RNF17: variants seen among roughly 807,000 people sequenced by gnomAD.
RNF17 encodes ring finger protein 17, also known as spermatogenesis associated 23.
RNF17 carries 31 observed loss-of-function variants against 200.5 expected under a neutral mutation model. That is an observed-to-expected ratio of 0.15 (90% CI 0.12 to 0.21). The LOEUF (loss-of-function observed/expected upper bound fraction) is 0.21, where lower values mean the gene tolerates loss of function less well. Among genes scored for constraint, RNF17 ranks in the 10% least tolerant of loss-of-function variants. The pLI, the probability that RNF17 is intolerant of heterozygous loss-of-function variation, is 1.00. For synonymous variants in RNF17, 606 were observed against 637.8 expected (o/e 0.95, Z 0.75); for missense variants, 1,628 against 1,905.1 (o/e 0.85, Z 2.71).
At chr13:24,844,523 A>T in intron 20 of RNF17, 129 bp from the exon 21 acceptor site, 1 of 719,028 alleles carries the variant, frequency 1.4e-6, no homozygotes, top group Non-Finnish European at 2.3e-6. Context: ...ATACACTTGT[A>T]CATTCAAGGA....
intron 22 of RNF17, among the ~76,000 whole-genome samples, chr13:24,845,534 C>T (rs1290794142): frequency 6.6e-6 from 1 of 152,154 alleles, no homozygotes; most frequent in Non-Finnish European, 1.5e-5. Flanking sequence ...CAAGTTACTT[C>T]TGTGAGCCCT....
chr13:24,774,581 G>C (rs979218966), intron 2 of RNF17, among the ~76,000 whole-genome samples: 1 of 152,138 alleles, frequency 6.6e-6, no homozygotes, highest in Non-Finnish European at 1.5e-5. Context: ...GAAGTGTTTT[G>C]GTTAATTAAC....
chr13:24,798,063 C>T lies in RNF17; in HGVS notation c.1400-1332C>T, dbSNP rs143646509. The stretch of plus-strand genomic sequence containing the variant: ...GTTAACCCACTACCACTATGACTGC[C>T]GTCACTCACTGATTCACCAAAAATT... On this transcript the variant is annotated intron_variant, in intron 11 of 35. Transcript: ENST00000255324. Among the ~76,000 whole-genome samples, 973 of 152,142 alleles carry T rather than the reference C, an allele frequency of 6.4e-3. 3 individuals carry two copies. The highest frequency in any genetic ancestry group is 0.01 in the Non-Finnish European group (708 of 68,000).
intron 1 of RNF17, among the ~76,000 whole-genome samples, chr13:24,765,828 C>A (rs1486545488): frequency 6.6e-6 from 1 of 152,132 alleles, no homozygotes; most frequent in Admixed American, 6.5e-5. Context: ...ATTTCTTTGG[C>A]AATATTATCC....
chr13:24,797,705 A>AGTTTGTGTGTCTGTGTGTGTGT (rs59493601), intron 11 of RNF17, among the ~76,000 whole-genome samples: 6,758 of 118,962 alleles, frequency 0.057, 375 homozygotes, highest in South Asian at 0.075. Context: ...AGAGACAAAG[A>AGTTTGTGTGTCTGTGTGTGTGT]GTGTGTGTGT....
intron 15 of RNF17, among the ~76,000 whole-genome samples, chr13:24,816,722 C>G (rs1887451273): frequency 6.6e-6 from 1 of 152,218 alleles, no homozygotes; most frequent in South Asian, 2.1e-4. Flanking sequence ...CCAGTCAGCA[C>G]TCCTGGAGAG....
chr13:24,883,175 C>A, downstream of RNF17: 1 of 1,612,676 alleles, frequency 6.2e-7, no homozygotes, highest in Non-Finnish European at 8.5e-7. Flanking sequence ...ACATGAGGAT[C>A]GTCACAGCTC....
intron 25 of RNF17, 84 bp downstream of exon 25, chr13:24,854,228 T>A: frequency 1.0e-6 from 1 of 1,003,692 alleles, no homozygotes; most frequent in Non-Finnish European, 1.5e-6. Context: ...TCTTTGAACG[T>A]TATTTTCACA....
intron 15 of RNF17, among the ~76,000 whole-genome samples, chr13:24,808,430 AT>A (rs1245963538): frequency 7.2e-6 from 1 of 138,294 alleles, no homozygotes. Flanking sequence ...TTCACTCATG[AT>A]TTGGCTCTCT....
At chr13:24,880,610 G>A (rs571751908), downstream of RNF17, among the ~76,000 whole-genome samples, 1 of 152,098 alleles carries the variant, frequency 6.6e-6, no homozygotes, top group Admixed American at 6.5e-5. Context: ...CACTTTTACT[G>A]CTATATCTGT....
At chr13:24,860,546 A>G (rs1391687557) in intron 26 of RNF17, among the ~76,000 whole-genome samples, 1 of 152,106 alleles carries the variant, frequency 6.6e-6, no homozygotes, top group Non-Finnish European at 1.5e-5. Flanking sequence ...ATTCTATTTT[A>G]TTTTTTAATG....
chr13:24,814,566 C>T (rs998214225), intron 15 of RNF17, among the ~76,000 whole-genome samples: 3 of 152,120 alleles, frequency 2.0e-5, no homozygotes, highest in Admixed American at 6.5e-5. Flanking sequence ...GGTAAGGGCC[C>T]AGCTTCATTA....
At chr13:24,806,204 T>C (rs564638610) in intron 15 of RNF17, among the ~76,000 whole-genome samples, 1 of 152,364 alleles carries the variant, frequency 6.6e-6, no homozygotes, top group East Asian at 1.9e-4. Context: ...CATTCTTTTT[T>C]ATGTCTGCAT....
intron 31 of RNF17, among the ~76,000 whole-genome samples, chr13:24,869,967 AGTCTCGC>A: frequency 9.7e-6 from 1 of 103,468 alleles, no homozygotes; most frequent in East Asian, 3.1e-4. Flanking sequence ...TTTGAGACGG[AGTCTCGC>A]TCTGTCGCCC....
chr13:24,785,341 G>A (rs1882963434), intron 6 of RNF17, among the ~76,000 whole-genome samples: 1 of 152,058 alleles, frequency 6.6e-6, no homozygotes, highest in Non-Finnish European at 1.5e-5. Flanking sequence ...GGATTTAGGA[G>A]CATATTGTTT....
At chr13:24,791,639 C>T (rs1016341721) in intron 9 of RNF17, among the ~76,000 whole-genome samples, 1 of 152,080 alleles carries the variant, frequency 6.6e-6, no homozygotes, top group African/African-American at 2.4e-5. Context: ...TGGATTGTCT[C>T]CAATGGAAAT....
At chr13:24,768,349 A>G (rs1450652218) in intron 2 of RNF17, among the ~76,000 whole-genome samples, 3 of 149,746 alleles carry the variant, frequency 2.0e-5, no homozygotes, top group Non-Finnish European at 3.0e-5. Flanking sequence ...CAGTGACTCA[A>G]TCTCAGCTCA....
chr13:24,789,313 A>G (rs776357096), intron 7 of RNF17, 35 bp from the exon 8 acceptor site: 3 of 1,355,052 alleles, frequency 2.2e-6, no homozygotes, highest in South Asian at 2.4e-5. Context: ...TTGTGACAAG[A>G]TTCACACATG....
At chr13:24,880,200 A>G (rs1053070887), downstream of RNF17, among the ~76,000 whole-genome samples, 38 of 152,094 alleles carry the variant, frequency 2.5e-4, no homozygotes, top group Non-Finnish European at 1.5e-4. Flanking sequence ...AACATGGGGG[A>G]AGGGGAAGCA....
Sources: allele counts gnomAD v4.1 joint callset (sites outside exome capture counted in the v4.1 genomes callset), GRCh38; gene constraint gnomAD v4.1.1; transcripts MANE v1.5; gene names NCBI Gene and HGNC (gene_info 2026-07-23, HGNC 2026-07-21).